The following DYNC2LI1 variants were observed in gnomAD, a reference collection of about 807,000 sequenced individuals.
The protein encoded by DYNC2LI1 is cytoplasmic dynein 2 light intermediate chain 1.
DYNC2LI1 carries 45 observed loss-of-function variants against 51.9 expected under a neutral mutation model. That is an observed-to-expected ratio of 0.87 (90% CI 0.68 to 1.11). The LOEUF (loss-of-function observed/expected upper bound fraction) is 1.11, where lower values mean the gene tolerates loss of function less well. DYNC2LI1 is among the 50% of genes most tolerant of loss of function. DYNC2LI1 has a pLI of 0.00. For missense variants in DYNC2LI1, 490 were observed against 417.4 expected (o/e 1.17, Z -1.51); for synonymous variants, 130 against 137.8 (o/e 0.94, Z 0.40).
At chr2:43,826,477 T>C in the DYNC2LI1 span, 1 of 1,614,024 alleles carries the variant, frequency 6.2e-7, no homozygotes, top group South Asian at 1.1e-5. Flanking sequence ...TGATTAGCAG[T>C]CATGCAGTCC....
intron 2 of DYNC2LI1, among the ~76,000 whole-genome samples, chr2:43,782,560 A>AAT (rs970543596): frequency 6.6e-6 from 1 of 151,896 alleles, no homozygotes; most frequent in Non-Finnish European, 1.5e-5. Context: ...AAAAAAAAAA[A>AAT]AAAAAAGGAT....
the DYNC2LI1 span, chr2:43,828,269 T>A: frequency 1.0e-6 from 1 of 979,902 alleles, no homozygotes; most frequent in South Asian, 1.4e-5. Flanking sequence ...ATGTCTTTGA[T>A]AATAATATGA....
chr2:43,824,729 G>A, the DYNC2LI1 span: 1 of 923,318 alleles, frequency 1.1e-6, no homozygotes, highest in Non-Finnish European at 1.3e-6. Flanking sequence ...AGTCATCTCT[G>A]GCAAGTTCAT....
At chr2:43,788,271 T>C (rs1160110836) in intron 4 of DYNC2LI1, among the ~76,000 whole-genome samples, 1 of 152,216 alleles carries the variant, frequency 6.6e-6, no homozygotes, top group Non-Finnish European at 1.5e-5. Context: ...AGCCAAACAA[T>C]TGTAGAGATT....
intron 5 of DYNC2LI1, among the ~76,000 whole-genome samples, chr2:43,790,347 A>G (rs1673720948): frequency 6.6e-6 from 1 of 152,180 alleles, no homozygotes; most frequent in East Asian, 1.9e-4. Context: ...GCTAAGAAAA[A>G]CAATTTTTTT....
intron 3 of DYNC2LI1, among the ~76,000 whole-genome samples, chr2:43,785,882 C>A (rs1054787483): frequency 3.3e-5 from 5 of 151,746 alleles, no homozygotes; most frequent in African/African-American, 1.2e-4. Flanking sequence ...TGAAAAAGTT[C>A]TGAATATTAG....
chr2:43,825,359 G>A, the DYNC2LI1 span, among the ~76,000 whole-genome samples: 1,360 of 152,228 alleles, frequency 8.9e-3, 25 homozygotes, highest in African/African-American at 0.031. Flanking sequence ...GACCTCGGGC[G>A]AGCAGGGGTG....
chr2:43,814,865 T>C (rs1440742038), downstream of DYNC2LI1, among the ~76,000 whole-genome samples: 3 of 152,232 alleles, frequency 2.0e-5, no homozygotes, highest in Admixed American at 6.5e-5. Flanking sequence ...TCATGCTCTT[T>C]CCTAACTTAC....
chr2:43,805,920 C>CA (rs1280938775), intron 12 of DYNC2LI1, among the ~76,000 whole-genome samples: 9 of 150,966 alleles, frequency 6.0e-5, no homozygotes, highest in African/African-American at 2.2e-4. Flanking sequence ...CTCACACTGT[C>CA]GCCCAGGCTG....
rs113666771 is a variant in DYNC2LI1, at chr2:43,774,113, C to T, written c.-26C>T. 4 of 1,613,804 alleles carry T rather than the reference C, an allele frequency of 2.5e-6. No homozygotes were observed. Among genetic ancestry groups the T allele is most frequent in the Non-Finnish European group, 3.4e-6 (4 of 1,179,914 alleles). ...GCTGGTCACTACTCCGAGCCTGTGA[C>T]GTTTGCGGCAGCCAGGCCGTCGACG... On this transcript the variant is annotated 5_prime_UTR_variant, in exon 1 of 13. In the 5' UTR this introduces an upstream ATG that the reference lacks. Transcript: ENST00000260605.
chr2:43,807,742 GCA>G (rs1491093836), intron 12 of DYNC2LI1, among the ~76,000 whole-genome samples: 1 of 4,514 alleles, frequency 2.2e-4, no homozygotes, highest in African/African-American at 9.0e-4. Flanking sequence ...TTTTGTTAAA[GCA>G]AAAAAAAAAA....
intron 1 of DYNC2LI1, 126 bp downstream of exon 1, chr2:43,774,272 CG>C: frequency 7.8e-7 from 1 of 1,284,042 alleles, no homozygotes; most frequent in Non-Finnish European, 1.1e-6. Context: ...TATGCAGGGT[CG>C]GGGACCTAGG....
the DYNC2LI1 span, among the ~76,000 whole-genome samples, chr2:43,825,405 T>C: frequency 4.6e-5 from 7 of 152,244 alleles, no homozygotes; most frequent in East Asian, 1.4e-3. Flanking sequence ...ATTTTAAATC[T>C]CAGCTCCTCC....
chr2:43,803,516 T>C (rs1404234274), intron 10 of DYNC2LI1, among the ~76,000 whole-genome samples: 2 of 152,100 alleles, frequency 1.3e-5, no homozygotes, highest in Admixed American at 6.6e-5. Flanking sequence ...AGGGCAGGGA[T>C]AGAACTATGG....
the DYNC2LI1 span, among the ~76,000 whole-genome samples, chr2:43,819,652 T>G: frequency 2.7e-4 from 41 of 152,296 alleles, no homozygotes; most frequent in African/African-American, 9.6e-4. Context: ...TTTCTTCTCT[T>G]GGTATAATGG....
chr2:43,804,165 G>T (rs972579980), intron 10 of DYNC2LI1, among the ~76,000 whole-genome samples: 2 of 151,994 alleles, frequency 1.3e-5, no homozygotes, highest in African/African-American at 4.8e-5. Context: ...GCTGTATGTG[G>T]GTCTATTTCT....
chr2:43,777,005 G>A, intron 2 of DYNC2LI1, 106 bp downstream of exon 2: 2 of 593,338 alleles, frequency 3.4e-6, no homozygotes, highest in East Asian at 5.8e-5. Context: ...TTAACCAGAT[G>A]ACCAATCTGG....
chr2:43,806,475 A>G (rs1666260503), intron 12 of DYNC2LI1, among the ~76,000 whole-genome samples: 2 of 152,188 alleles, frequency 1.3e-5, no homozygotes, highest in South Asian at 4.1e-4. Context: ...AAAATATGCC[A>G]TGAATATTTA....
chr2:43,776,999 C>T, intron 2 of DYNC2LI1, 100 bp downstream of exon 2: 1 of 612,730 alleles, frequency 1.6e-6, no homozygotes, highest in Non-Finnish European at 2.8e-6. Context: ...AACACTTTAA[C>T]CAGATGACCA....
Sources: allele counts gnomAD v4.1 joint callset (sites outside exome capture counted in the v4.1 genomes callset), GRCh38; gene constraint gnomAD v4.1.1; transcripts MANE v1.5; gene names NCBI Gene and HGNC (gene_info 2026-07-23, HGNC 2026-07-21).